The following CCSER1 variants were observed in gnomAD, a reference collection of about 807,000 sequenced individuals.
The protein encoded by CCSER1 is serine-rich coiled-coil domain-containing protein 1.
A neutral mutation model predicts 82.0 loss-of-function variants in CCSER1; 41 were observed. The observed-to-expected ratio is 0.50, with a 90% CI of 0.39 to 0.65. The LOEUF is 0.65. CCSER1 is among the 30% of genes least tolerant of loss of function. The probability of loss-of-function intolerance (pLI) is 0.00; values close to 1 mark genes in which losing one functional copy is unlikely to be tolerated. For synonymous variants in CCSER1, 414 were observed against 383.9 expected, an observed-to-expected ratio of 1.08 and a Z score of -0.92; for missense variants, 1,119 against 1,064.2, an observed-to-expected ratio of 1.05 and a Z score of -0.72.
intron 6 of CCSER1, among the ~76,000 whole-genome samples, chr4:90,707,119 G>T (rs542077713): frequency 6.6e-6 from 1 of 152,086 alleles, no homozygotes; most frequent in Non-Finnish European, 1.5e-5. Context: ...GCACACTCTT[G>T]TCTATTCTTT....
chr4:91,588,271 T>C (rs1764103998), intron 10 of CCSER1, among the ~76,000 whole-genome samples: 1 of 150,020 alleles, frequency 6.7e-6, no homozygotes, highest in African/African-American at 2.4e-5. Context: ...TAGCCTTAGA[T>C]TTTTTTTTCA....
At chr4:91,587,825 A>G (rs1764072451) in intron 10 of CCSER1, among the ~76,000 whole-genome samples, 1 of 151,694 alleles carries the variant, frequency 6.6e-6, no homozygotes, top group Admixed American at 6.6e-5. Flanking sequence ...ACCATTAACA[A>G]TCTTTATAAT....
chr4:90,376,102 C>T (rs923821662), intron 3 of CCSER1, among the ~76,000 whole-genome samples: 3 of 152,120 alleles, frequency 2.0e-5, no homozygotes, highest in Admixed American at 6.6e-5. Flanking sequence ...ATAGGGTGAT[C>T]ACAATTGACC....
intron 5 of CCSER1, among the ~76,000 whole-genome samples, chr4:90,551,704 C>CTATATATATATATA (rs1242206717): frequency 1.1e-4 from 12 of 107,574 alleles, no homozygotes; most frequent in African/African-American, 4.5e-4. Context: ...CTCTCTCTCT[C>CTATATATATATATA]TCTATATATA....
At chr4:90,871,003 A>T in intron 8 of CCSER1, among the ~76,000 whole-genome samples, 1 of 148,642 alleles carries the variant, frequency 6.7e-6, no homozygotes. Context: ...TGATCTTTTG[A>T]ATTTCTCCAC....
intron 10 of CCSER1, among the ~76,000 whole-genome samples, chr4:91,577,680 T>G (rs900899120): frequency 2.0e-5 from 3 of 151,994 alleles, no homozygotes; most frequent in African/African-American, 7.2e-5. Context: ...AATATTTGAA[T>G]ATTGCATTTT....
At chr4:91,260,758 A>ATTTT (rs200173043) in intron 10 of CCSER1, among the ~76,000 whole-genome samples, 1 of 149,802 alleles carries the variant, frequency 6.7e-6, no homozygotes, top group African/African-American at 2.5e-5. Flanking sequence ...TTATTTATTT[A>ATTTT]TTTATTTTTT....
chr4:91,509,080 T>G (rs1421833584), intron 10 of CCSER1, among the ~76,000 whole-genome samples: 1 of 152,004 alleles, frequency 6.6e-6, no homozygotes, highest in Non-Finnish European at 1.5e-5. Flanking sequence ...GCTTTTCTCT[T>G]TCTATTTTAT....
chr4:90,767,678 T>G (rs1751448398), intron 7 of CCSER1, among the ~76,000 whole-genome samples: 1 of 97,276 alleles, frequency 1.0e-5, no homozygotes, highest in Admixed American at 9.5e-5. Flanking sequence ...ATAAACAGGG[T>G]AATTTTTTTT....
intron 10 of CCSER1, among the ~76,000 whole-genome samples, chr4:91,235,495 G>C (rs944958207): frequency 1.2e-4 from 18 of 151,986 alleles, no homozygotes; most frequent in African/African-American, 4.3e-4. Context: ...ATAAAATTGT[G>C]GACAAAGTAA....
chr4:91,171,645 C>T (rs974302828), intron 10 of CCSER1, among the ~76,000 whole-genome samples: 7 of 152,010 alleles, frequency 4.6e-5, no homozygotes, highest in African/African-American at 1.5e-4. Context: ...CCATTGAGCT[C>T]AATTTTTCAT....
intron 6 of CCSER1, among the ~76,000 whole-genome samples, chr4:90,670,127 G>A (rs1165932788): frequency 6.6e-6 from 1 of 152,100 alleles, no homozygotes; most frequent in African/African-American, 2.4e-5. Context: ...AAAGCAGCTA[G>A]TAGAGTTCTT....
At chr4:90,355,243 A>G (rs1295551938) in intron 3 of CCSER1, among the ~76,000 whole-genome samples, 1 of 151,962 alleles carries the variant, frequency 6.6e-6, no homozygotes, top group East Asian at 1.9e-4. Context: ...TATTTATCAA[A>G]TAGATACATT....
intron 10 of CCSER1, among the ~76,000 whole-genome samples, chr4:91,355,201 C>CTT (rs59032599): frequency 2.7e-5 from 4 of 150,558 alleles, no homozygotes; most frequent in African/African-American, 7.3e-5. Flanking sequence ...GACAGATATA[C>CTT]TTTTTTTTTT....
chr4:91,006,067 G>A (rs917621844), intron 9 of CCSER1, among the ~76,000 whole-genome samples: 3 of 152,024 alleles, frequency 2.0e-5, no homozygotes, highest in African/African-American at 7.2e-5. Context: ...ATCTTTTATG[G>A]TTCCATATGA....
chr4:90,524,251 A>G (rs998885421), intron 5 of CCSER1, among the ~76,000 whole-genome samples: 1 of 152,210 alleles, frequency 6.6e-6, no homozygotes, highest in Non-Finnish European at 1.5e-5. Context: ...GGAACAACAT[A>G]TTCTTACACT....
chr4:91,088,207 A>T (rs1723574812), intron 10 of CCSER1, among the ~76,000 whole-genome samples: 1 of 152,168 alleles, frequency 6.6e-6, no homozygotes, highest in South Asian at 2.1e-4. Flanking sequence ...TTGATAAATG[A>T]CAATAATTGT....
chr4:90,620,067 C>G (rs940613193), intron 5 of CCSER1, among the ~76,000 whole-genome samples: 2 of 151,746 alleles, frequency 1.3e-5, no homozygotes, highest in East Asian at 3.9e-4. Flanking sequence ...AAATTTTGGA[C>G]AAAGTTAAAA....
chr4:91,301,036 T>G (rs1224685118), intron 10 of CCSER1, among the ~76,000 whole-genome samples: 2 of 151,900 alleles, frequency 1.3e-5, no homozygotes, highest in African/African-American at 4.8e-5. Context: ...TTACATTATA[T>G]TCTCAGTAAT....
Sources: gnomAD v4.1 joint callset for allele counts (sites outside exome capture counted in the v4.1 genomes callset) on GRCh38, gnomAD v4.1.1 for gene constraint, MANE v1.5 for transcripts, NCBI Gene and HGNC (gene_info 2026-07-23, HGNC 2026-07-21) for gene names.